The following PDE10A variants were observed in gnomAD, a reference collection of about 807,000 sequenced individuals.
PDE10A encodes the protein cAMP and cAMP-inhibited cGMP 3',5'-cyclic phosphodiesterase 10A.
A neutral mutation model predicts 97.7 loss-of-function variants in PDE10A; 39 were observed. That is an observed-to-expected ratio of 0.40 (90% CI 0.31 to 0.52). PDE10A has a LOEUF of 0.52. Ranked by LOEUF, PDE10A falls within the 20% of genes least tolerant of loss-of-function variation. The pLI is 0.56. For synonymous variants in PDE10A, 371 were observed against 376.8 expected, an observed-to-expected ratio of 0.98 and a Z score of 0.18; for missense variants, 731 against 1,047.8, an observed-to-expected ratio of 0.70 and a Z score of 4.17.
At chr6:165,846,188 AT>A (rs775697555) in intron 1 of PDE10A, among the ~76,000 whole-genome samples, 3 of 152,162 alleles carry the variant, frequency 2.0e-5, no homozygotes, top group Non-Finnish European at 2.9e-5. Context: ...TTTAAAGTAG[AT>A]ACGGTCATTT....
chr6:165,915,672 A>G (rs1177160113), intron 1 of PDE10A, among the ~76,000 whole-genome samples: 1 of 152,224 alleles, frequency 6.6e-6, no homozygotes, highest in Non-Finnish European at 1.5e-5. Flanking sequence ...CATTGCACAC[A>G]AAATCGGAAC....
intron 1 of PDE10A, among the ~76,000 whole-genome samples, chr6:165,703,781 C>T (rs76340596): frequency 0.029 from 4,443 of 152,318 alleles, 209 homozygotes; most frequent in African/African-American, 0.1. Flanking sequence ...TCCCTGCTTC[C>T]ATCCCGTCAG....
At chr6:165,547,637 T>C (rs969657383) in intron 1 of PDE10A, among the ~76,000 whole-genome samples, 3 of 152,198 alleles carry the variant, frequency 2.0e-5, no homozygotes, top group Non-Finnish European at 2.9e-5. Context: ...TTTCTTTTCT[T>C]GCTGAGTAAC....
intron 1 of PDE10A, among the ~76,000 whole-genome samples, chr6:165,958,130 T>C (rs1227615319): frequency 2.0e-5 from 3 of 152,122 alleles, no homozygotes; most frequent in Admixed American, 2.0e-4. Flanking sequence ...TGGGATCCAC[T>C]GGTTTAATGA....
intron 1 of PDE10A, among the ~76,000 whole-genome samples, chr6:165,879,315 A>C (rs1781417898): frequency 6.6e-6 from 1 of 152,216 alleles, no homozygotes. Context: ...AAGCTGCTGG[A>C]CTTTCAAAAT....
chr6:165,960,277 T>C (rs1030045018), intron 1 of PDE10A, among the ~76,000 whole-genome samples: 2 of 152,208 alleles, frequency 1.3e-5, no homozygotes, highest in African/African-American at 2.4e-5. Flanking sequence ...TGGTGATAGT[T>C]GTTACAAAGG....
At chr6:165,424,873 T>G (rs1274199915) in intron 10 of PDE10A, among the ~76,000 whole-genome samples, 1 of 152,098 alleles carries the variant, frequency 6.6e-6, no homozygotes, top group Non-Finnish European at 1.5e-5. Context: ...CCAAATCAGA[T>G]GCAAACTCAC....
chr6:165,880,090 G>A (rs962183529), intron 1 of PDE10A, among the ~76,000 whole-genome samples: 11 of 152,120 alleles, frequency 7.2e-5, no homozygotes, highest in Admixed American at 2.6e-4. Flanking sequence ...GGTTTCCAGG[G>A]AAGCATTTCT....
intron 1 of PDE10A, among the ~76,000 whole-genome samples, chr6:165,872,427 G>A (rs1781228432): frequency 6.6e-6 from 1 of 152,292 alleles, no homozygotes; most frequent in Middle Eastern, 3.4e-3. Flanking sequence ...TGGGTCCAGA[G>A]GATGCGTCTT....
intron 1 of PDE10A, among the ~76,000 whole-genome samples, chr6:165,691,109 CCCCCCCCATCAGTGCCTGTGGT>C: frequency 9.7e-6 from 1 of 103,446 alleles, no homozygotes; most frequent in Non-Finnish European, 2.1e-5. Context: ...TTCTCTCTCC[CCCCCCCCATCAGTGCCTGTGGT>C]CACATAAGCC....
At chr6:165,560,819 G>A (rs1784484682) in intron 1 of PDE10A, among the ~76,000 whole-genome samples, 1 of 152,044 alleles carries the variant, frequency 6.6e-6, no homozygotes, top group African/African-American at 2.4e-5. Flanking sequence ...GTTAGAGGTG[G>A]GGGCTGCTGA....
intron 1 of PDE10A, among the ~76,000 whole-genome samples, chr6:165,557,565 G>A (rs1784317491): frequency 6.6e-6 from 1 of 152,034 alleles, no homozygotes; most frequent in African/African-American, 2.4e-5. Context: ...ATATTCATAT[G>A]CAGACTTGAA....
At chr6:165,908,007 A>G (rs9356403) in intron 1 of PDE10A, among the ~76,000 whole-genome samples, 25,872 of 152,262 alleles carry the variant, frequency 0.17, 2,482 homozygotes, top group East Asian at 0.27. Flanking sequence ...ACTTTAAACA[A>G]GTGTCGTTCT....
chr6:165,559,521 A>G (rs1784421007), intron 1 of PDE10A, among the ~76,000 whole-genome samples: 3 of 152,234 alleles, frequency 2.0e-5, no homozygotes, highest in Non-Finnish European at 4.4e-5. Context: ...TTGAAACATG[A>G]GAATACTTTT....
chr6:165,781,794 T>C (rs1583079689), intron 1 of PDE10A: 3 of 152,232 alleles, frequency 2.0e-5, no homozygotes, highest in African/African-American at 7.2e-5. Context: ...AGCCCAGGAG[T>C]GCGGACGGCC....
At chr6:165,565,089 T>G (rs1784710768) in intron 1 of PDE10A, among the ~76,000 whole-genome samples, 2 of 152,160 alleles carry the variant, frequency 1.3e-5, no homozygotes, top group African/African-American at 4.8e-5. Context: ...AAAAGAGAGC[T>G]ACAAGTCTTA....
intron 1 of PDE10A, among the ~76,000 whole-genome samples, chr6:165,981,284 T>C (rs1333630144): frequency 1.3e-5 from 2 of 152,170 alleles, no homozygotes; most frequent in Non-Finnish European, 2.9e-5. Flanking sequence ...AGTTTTTAGG[T>C]AACTTCCTCT....
At chr6:165,964,836 G>A (rs187745899) in intron 1 of PDE10A, among the ~76,000 whole-genome samples, 20 of 152,306 alleles carry the variant, frequency 1.3e-4, no homozygotes, top group African/African-American at 3.6e-4. Flanking sequence ...CTATAAAGAC[G>A]GGAGTGAGAC....
At chr6:165,490,209 C>T (rs1780150016) in intron 2 of PDE10A, among the ~76,000 whole-genome samples, 1 of 152,142 alleles carries the variant, frequency 6.6e-6, no homozygotes, top group South Asian at 2.1e-4. Context: ...CAGCAGGTAA[C>T]CTATAAAGAA....
Sources: allele counts gnomAD v4.1 joint callset (sites outside exome capture counted in the v4.1 genomes callset), GRCh38; gene constraint gnomAD v4.1.1; transcripts MANE v1.5; gene names NCBI Gene and HGNC (gene_info 2026-07-23, HGNC 2026-07-21).